Variants in HS3ST2 observed in about 807,000 individuals in gnomAD.
HS3ST2 encodes heparan sulfate glucosamine 3-O-sulfotransferase 2.
Under a neutral mutation model 26.3 loss-of-function variants are expected in HS3ST2, and 17 were observed. The ratio of observed to expected loss-of-function variants is 0.65; its 90% CI spans 0.44 to 0.97. The LOEUF is 0.97. HS3ST2 is among the 50% of genes least tolerant of loss of function. The pLI is 0.00. For synonymous variants in HS3ST2, 237 were observed against 219.2 expected, an observed-to-expected ratio of 1.08 and a Z score of -0.72; for missense variants, 402 against 501.2, an observed-to-expected ratio of 0.80 and a Z score of 1.89.
chr16:22,889,553 A>G (rs1042716108), intron 1 of HS3ST2, among the ~76,000 whole-genome samples: 6 of 152,224 alleles, frequency 3.9e-5, no homozygotes, highest in African/African-American at 1.2e-4. Context: ...GGGATGCTCA[A>G]TTGGTAAGTA....
chr16:22,915,487 C>G lies in HS3ST2; in HGVS notation c.1029C>G (p.Asp343Glu). The G allele has an allele frequency of 6.2e-7, 1 of 1,613,762 alleles. No individual in the cohort carries two copies. Among genetic ancestry groups the G allele is most frequent in the African/African-American group, 1.3e-5 (1 of 74,950 alleles). ...THVQIDPEVI[D>E]QLREFYRPYN... is the part of the protein sequence containing the mutation. ...TACAGATTGATCCTGAAGTGATAGA[C>G]CAGCTCCGAGAATTTTATAGACCGT... The change falls in exon 2 of 2, where the codon GAC (aspartate) becomes GAG (glutamate). Residue 343 changes from aspartate (D) to glutamate (E), a missense_variant. By Grantham distance (45) the Asp-to-Glu change is conservative. Around this residue, in one of 2 missense-constraint regions of HS3ST2, gnomAD observed 237 missense variants for 346.6 expected, o/e 0.68. Transcript: ENST00000261374.
At chr16:22,864,370 G>T (rs572689767) in intron 1 of HS3ST2, among the ~76,000 whole-genome samples, 1 of 152,312 alleles carries the variant, frequency 6.6e-6, no homozygotes, top group South Asian at 2.1e-4. Context: ...AATATGTCAG[G>T]ACCTCATGAA....
At chr16:22,857,453 A>G (rs930351675) in intron 1 of HS3ST2, among the ~76,000 whole-genome samples, 2 of 152,218 alleles carry the variant, frequency 1.3e-5, no homozygotes, top group Admixed American at 6.5e-5. Context: ...ACGCGTTAAT[A>G]TCATTTCCTT....
At chr16:22,914,197 C>T (rs573175012) in intron 1 of HS3ST2, among the ~76,000 whole-genome samples, 3 of 151,998 alleles carry the variant, frequency 2.0e-5, no homozygotes, top group East Asian at 3.9e-4. Context: ...TCTGCACTCA[C>T]CTCAAGTTTC....
chr16:22,853,992 AGCATG>A, intron 1 of HS3ST2, among the ~76,000 whole-genome samples: 1 of 152,290 alleles, frequency 6.6e-6, no homozygotes, highest in South Asian at 2.1e-4. Flanking sequence ...TCAGTTTCTA[AGCATG>A]GACCCATGTG....
At chr16:22,824,683 T>C (rs1337790812) in intron 1 of HS3ST2, among the ~76,000 whole-genome samples, 1 of 152,222 alleles carries the variant, frequency 6.6e-6, no homozygotes, top group East Asian at 1.9e-4. Context: ...AACTTCTTTG[T>C]GTGCTTTTAA....
chr16:22,841,640 G>A (rs1355900217), intron 1 of HS3ST2, among the ~76,000 whole-genome samples: 2 of 151,988 alleles, frequency 1.3e-5, no homozygotes, highest in Non-Finnish European at 2.9e-5. Flanking sequence ...TAATTATACC[G>A]TGTTTGTATC....
intron 1 of HS3ST2, among the ~76,000 whole-genome samples, chr16:22,852,906 G>T (rs1048421934): frequency 6.6e-6 from 1 of 151,952 alleles, no homozygotes; most frequent in African/African-American, 2.4e-5. Context: ...ACGTAGTCTT[G>T]GTTTCCAAAC....
intron 1 of HS3ST2, among the ~76,000 whole-genome samples, chr16:22,820,256 G>C (rs199567859): frequency 1.3e-5 from 2 of 152,186 alleles, no homozygotes; most frequent in African/African-American, 4.8e-5. Context: ...TACAGTTCTT[G>C]TCAGGCATGG....
chr16:22,862,351 T>C (rs1239222644), intron 1 of HS3ST2, among the ~76,000 whole-genome samples: 3 of 150,794 alleles, frequency 2.0e-5, no homozygotes, highest in East Asian at 2.0e-4. Flanking sequence ...AGTTGGAGCC[T>C]GTGGATCTGT....
intron 1 of HS3ST2, among the ~76,000 whole-genome samples, chr16:22,830,503 G>A (rs1477502097): frequency 6.6e-6 from 1 of 152,204 alleles, no homozygotes; most frequent in East Asian, 1.9e-4. Flanking sequence ...TTGGGATGGT[G>A]GGACAGAGAG....
intron 1 of HS3ST2, among the ~76,000 whole-genome samples, chr16:22,848,752 G>T (rs1325156271): frequency 6.6e-6 from 1 of 152,070 alleles, no homozygotes; most frequent in Non-Finnish European, 1.5e-5. Context: ...TCTCCCTTTT[G>T]TTCTCTGCTG....
chr16:22,816,723 C>T (rs573933777), intron 1 of HS3ST2, among the ~76,000 whole-genome samples: 15 of 152,162 alleles, frequency 9.9e-5, no homozygotes, highest in South Asian at 2.1e-4. Flanking sequence ...AGTCAGATCC[C>T]GGGATGGAGG....
intron 1 of HS3ST2, among the ~76,000 whole-genome samples, chr16:22,880,323 G>A (rs1389809949): frequency 4.6e-5 from 7 of 152,138 alleles, no homozygotes; most frequent in Non-Finnish European, 1.0e-4. Context: ...AGGCTGAAAT[G>A]GGAGGATCGC....
At chr16:22,863,308 T>C (rs971260268) in intron 1 of HS3ST2, among the ~76,000 whole-genome samples, 2 of 152,260 alleles carry the variant, frequency 1.3e-5, no homozygotes, top group Non-Finnish European at 2.9e-5. Context: ...CAGTCACTGC[T>C]GTTATTCCAC....
At chr16:22,906,990 G>T (rs1245195326) in intron 1 of HS3ST2, among the ~76,000 whole-genome samples, 2 of 152,172 alleles carry the variant, frequency 1.3e-5, no homozygotes, top group Non-Finnish European at 2.9e-5. Flanking sequence ...GCATGAGGGT[G>T]CTAGTAGGCG....
rs34942780 is a variant in HS3ST2 at position 22,864,882 on chromosome 16, CAA to C, written c.485+49806_485+49807del. On this transcript the variant is annotated intron_variant, in intron 1 of 1. Transcript: ENST00000261374. ...GCAACATAGGGAGACCCTGTCTCCA[CAA>C]AAAAAAAAAAAAAAAAAATAGCCGG... Among the ~76,000 whole-genome samples the C allele has an allele frequency of 5.3e-3, 300 of 57,138 alleles. 5 individuals carry two copies. The highest frequency in any genetic ancestry group is 0.052 in the East Asian group (115 of 2,226). The allele number at this position is 57,138 out of a possible 152,430, so 37.5% of individuals were successfully genotyped here.
At chr16:22,904,650 C>T (rs1203321417) in intron 1 of HS3ST2, among the ~76,000 whole-genome samples, 1 of 152,110 alleles carries the variant, frequency 6.6e-6, no homozygotes, top group Non-Finnish European at 1.5e-5. Context: ...TCAAGGTTCC[C>T]TTAGCATGAA....
At chr16:22,818,812 T>C (rs1349182880) in intron 1 of HS3ST2, among the ~76,000 whole-genome samples, 2 of 12,382 alleles carry the variant, frequency 1.6e-4, no homozygotes, top group African/African-American at 1.0e-3. Context: ...CTTCCTTCCT[T>C]CCTTCCTTCC....
Sources: allele counts gnomAD v4.1 joint callset (sites outside exome capture counted in the v4.1 genomes callset), GRCh38; gene constraint gnomAD v4.1.1; regional missense constraint gnomAD v4.1.1; transcripts MANE v1.5; gene names NCBI Gene and HGNC (gene_info 2026-07-23, HGNC 2026-07-21).